The following SPON1 variants were observed in gnomAD, a reference collection of about 807,000 sequenced individuals.
SPON1 encodes spondin 1.
SPON1 carries 52 observed loss-of-function variants against 111.7 expected under a neutral mutation model. The ratio of observed to expected loss-of-function variants is 0.47; its 90% confidence interval spans 0.37 to 0.59. The LOEUF is 0.59. Among genes scored for constraint, SPON1 ranks in the 20% least tolerant of loss-of-function variants. The pLI is 0.00. For missense variants in SPON1, 957 were observed against 1,068.5 expected, an observed-to-expected ratio of 0.90 and a Z score of 1.46; for synonymous variants, 410 against 395.8, an observed-to-expected ratio of 1.04 and a Z score of -0.43.
At chr11:13,975,008 A>C (rs1227651220) in intron 1 of SPON1, among the ~76,000 whole-genome samples, 1 of 152,222 alleles carries the variant, frequency 6.6e-6, no homozygotes, top group African/African-American at 2.4e-5. Context: ...ATAAACTCCT[A>C]TTCTTCATTC....
chr11:14,207,434 A>G (rs1046914992), intron 6 of SPON1, among the ~76,000 whole-genome samples: 14 of 152,244 alleles, frequency 9.2e-5, no homozygotes, highest in Admixed American at 9.2e-4. Context: ...AACCTACGGA[A>G]TAGGAGAAAA....
intron 6 of SPON1, among the ~76,000 whole-genome samples, chr11:14,237,166 A>G (rs143601508): frequency 1.2e-4 from 18 of 152,324 alleles, no homozygotes; most frequent in Non-Finnish European, 2.5e-4. Context: ...CAGAACACTC[A>G]CCCAGGCATG....
At chr11:14,192,650 A>C (rs1263069142) in intron 6 of SPON1, among the ~76,000 whole-genome samples, 4 of 152,058 alleles carry the variant, frequency 2.6e-5, no homozygotes, top group African/African-American at 9.7e-5. Context: ...CAAGCCACAC[A>C]TACCCCTGAC....
chr11:14,068,453 C>T (rs1213146614), intron 3 of SPON1, among the ~76,000 whole-genome samples: 5 of 152,184 alleles, frequency 3.3e-5, no homozygotes, highest in Non-Finnish European at 7.3e-5. Flanking sequence ...TACCCAAATT[C>T]TGGTAATAAT....
intron 13 of SPON1, among the ~76,000 whole-genome samples, chr11:14,260,367 G>C (rs1163036866): frequency 6.6e-6 from 1 of 152,034 alleles, no homozygotes; most frequent in Non-Finnish European, 1.5e-5. Context: ...ATAACCATCG[G>C]GGGGGGTCAG....
Position 14,259,586 on chromosome 11 carries a change from C to G in SPON1, c.1716C>G (p.Ala572=). 1 of 1,554,962 alleles carries G rather than the reference C, an allele frequency of 6.4e-7. No homozygotes were observed. Among genetic ancestry groups the G allele is most frequent in the Non-Finnish European group, 8.7e-7 (1 of 1,149,178 alleles). Residue 572 remains alanine, a synonymous_variant, in exon 13 of 16, where the codon GCC becomes GCG. Coordinates refer to ENST00000576479, the MANE Select transcript of SPON1 (RefSeq NM_006108.4). The surrounding 1 kb of genome is among the most constrained non-coding windows in gnomAD (Gnocchi z 5.0). ...GGGGCGAGTGGGACGAGTGCAGCGC[C>G]ACCTGCGGCATGGGCATGAAGAAGC... ...TEWGEWDECS[A]TCGMGMKKRH...
At chr11:14,235,044 G>T (rs1848847535) in intron 6 of SPON1, among the ~76,000 whole-genome samples, 1 of 152,180 alleles carries the variant, frequency 6.6e-6, no homozygotes, top group Admixed American at 6.5e-5. Context: ...GGTTCCCAAA[G>T]TGGTCACTGT....
chr11:14,246,310 A>G (rs546483983), intron 7 of SPON1, among the ~76,000 whole-genome samples: 132 of 152,276 alleles, frequency 8.7e-4, no homozygotes, highest in African/African-American at 3.0e-3. Context: ...GCTGACATTT[A>G]TTATCCCTTT....
intron 2 of SPON1, among the ~76,000 whole-genome samples, chr11:14,009,562 T>C (rs575783781): frequency 4.1e-4 from 63 of 152,368 alleles, no homozygotes; most frequent in African/African-American, 1.4e-3. Flanking sequence ...ATATCTGTCA[T>C]AGAAATTTCC....
At chr11:14,134,884 G>A (rs1847572450) in intron 5 of SPON1, 1 of 152,224 alleles carries the variant, frequency 6.6e-6, no homozygotes, top group Admixed American at 6.5e-5. Context: ...CTACCTCCCT[G>A]GCATCATCTC....
intron 2 of SPON1, among the ~76,000 whole-genome samples, chr11:13,986,426 T>C (rs567916239): frequency 6.6e-6 from 1 of 152,324 alleles, no homozygotes; most frequent in East Asian, 1.9e-4. Context: ...TATTGTTATA[T>C]ATATAGAATG....
intron 2 of SPON1, among the ~76,000 whole-genome samples, chr11:13,998,422 G>A (rs1480455490): frequency 2.0e-5 from 3 of 152,152 alleles, no homozygotes; most frequent in Admixed American, 6.5e-5. Flanking sequence ...GATCCACCAG[G>A]TCTCTTCCAG....
chr11:14,135,032 A>G lies in SPON1; in HGVS notation c.677-388A>G, dbSNP rs1847574278. 1 of 161,186 alleles carries G rather than the reference A, an allele frequency of 6.2e-6. No individual in the cohort carries two copies. Among genetic ancestry groups the G allele is most frequent in the Non-Finnish European group, 1.4e-5 (1 of 73,662 alleles). 10.0% of individuals were successfully genotyped at this position (161,186 alleles called of 1,614,324 possible). ...AATGCACCCAATCTTGTCTGATCTC[A>G]GAAGCTAAGCAGGGTCAAGCCTGGT... On this transcript the variant is annotated intron_variant, in intron 5 of 15. Transcript: ENST00000576479. This position sits in a 1 kb window ranked among gnomAD's most constrained non-coding sequence, Gnocchi z 4.4.
In SPON1 at chr11:13,962,932, C is replaced by G; in HGVS notation, c.28C>G (p.Leu10Val). 6.4e-7 allele frequency: 1 copy of G among 1,568,206 alleles called. No individual in the cohort carries two copies. The highest frequency in any genetic ancestry group is 8.6e-7 in the Non-Finnish European group (1 of 1,160,260). Residue 10 changes from leucine to valine, a missense_variant, in exon 1 of 16, where the codon CTG becomes GTG. By Grantham distance (32) the Leu-to-Val change is conservative (BLOSUM62 1). Coordinates refer to ENST00000576479, the MANE Select transcript of SPON1 (RefSeq NM_006108.4). ...GAGGCTGTCCCCGGCGCCCCTGAAG[C>G]TGAGCCGGACTCCGGCACTGCTGGC... MRLSPAPLK[L>V]SRTPALLALA...
intron 6 of SPON1, among the ~76,000 whole-genome samples, chr11:14,175,415 G>A (rs888813141): frequency 6.6e-6 from 1 of 152,172 alleles, no homozygotes. Flanking sequence ...GGGACCCATA[G>A]CAAAGTTTGT....
At chr11:14,157,512 C>A (rs1434782236) in intron 6 of SPON1, among the ~76,000 whole-genome samples, 16 of 152,042 alleles carry the variant, frequency 1.1e-4, no homozygotes, top group Non-Finnish European at 2.2e-4. Context: ...GTAGGCATGA[C>A]TTTATTTATA....
intron 6 of SPON1, chr11:14,224,782 G>A (rs782713788): frequency 2.0e-6 from 1 of 492,882 alleles, no homozygotes; most frequent in Admixed American, 2.0e-5. Flanking sequence ...AGTAGGTGGG[G>A]CCAAAGGGTG....
At chr11:14,023,762 G>A (rs2133804905) in intron 2 of SPON1, among the ~76,000 whole-genome samples, 1 of 152,300 alleles carries the variant, frequency 6.6e-6, no homozygotes, top group Non-Finnish European at 1.5e-5. Flanking sequence ...CCAGCACTTT[G>A]GGAGGCTGAG....
At chr11:14,189,266 A>C (rs1554934337) in intron 6 of SPON1, among the ~76,000 whole-genome samples, 1 of 152,230 alleles carries the variant, frequency 6.6e-6, no homozygotes, top group African/African-American at 2.4e-5. Context: ...CACAGCTCAA[A>C]ACAATATGAA....
Sources: allele counts gnomAD v4.1 joint callset (sites outside exome capture counted in the v4.1 genomes callset), GRCh38; gene constraint gnomAD v4.1.1; non-coding constraint Gnocchi (gnomAD v3.1); transcripts MANE v1.5; gene names NCBI Gene and HGNC (gene_info 2026-07-23, HGNC 2026-07-21).